Variants in THADA observed in about 807,000 individuals in gnomAD.
THADA encodes THADA armadillo repeat containing.
In THADA, 213 loss-of-function variants were observed where a neutral mutation model predicts 219.8. The ratio of observed to expected loss-of-function variants is 0.97; its 90% CI spans 0.87 to 1.09. The LOEUF is 1.09. Ranked by LOEUF, THADA falls within the 50% of genes least tolerant of loss-of-function variation. The pLI, the probability that THADA is intolerant of heterozygous loss-of-function variation, is 0.00. For synonymous variants in THADA, 1,018 were observed against 828.9 expected (o/e 1.23, Z -3.92); for missense variants, 2,956 against 2,311.3 (o/e 1.28, Z -5.72).
chr2:43,389,085 T>C (rs1673048250), intron 29 of THADA, among the ~76,000 whole-genome samples: 1 of 152,164 alleles, frequency 6.6e-6, no homozygotes, highest in South Asian at 2.1e-4. Flanking sequence ...AGCCACCCTA[T>C]GAGGTCATTT....
At chr2:43,494,925 T>C (rs1688082463) in intron 25 of THADA, among the ~76,000 whole-genome samples, 1 of 152,194 alleles carries the variant, frequency 6.6e-6, no homozygotes, top group African/African-American at 2.4e-5. Flanking sequence ...CTGAAAAATG[T>C]TTCTTTACTG....
At chr2:43,331,594 G>A (rs990848126) in intron 30 of THADA, among the ~76,000 whole-genome samples, 3 of 152,256 alleles carry the variant, frequency 2.0e-5, no homozygotes, top group Non-Finnish European at 4.4e-5. Context: ...CTAAAGCACA[G>A]CAGCTTTCCC....
chr2:43,344,829 G>A (rs904025808), intron 29 of THADA, among the ~76,000 whole-genome samples: 7 of 151,562 alleles, frequency 4.6e-5, no homozygotes, highest in African/African-American at 1.5e-4. Context: ...ATGCAGACGT[G>A]CCCCACTTAT....
intron 31 of THADA, among the ~76,000 whole-genome samples, chr2:43,301,999 CCTT>C (rs1339335331): frequency 6.6e-6 from 1 of 152,112 alleles, no homozygotes; most frequent in Admixed American, 6.5e-5. Flanking sequence ...AGTTTAGCAG[CCTT>C]CTTCTTTAGC....
Position 43,413,331 on chromosome 2 carries a change from C to G in THADA, c.4058+14769G>C, listed in dbSNP as rs375179784. On this transcript the variant is annotated intron_variant, in intron 28 of 37. Transcript: ENST00000405975. ...CTAGTCCTAAAACCCCACCACCACC[C>G]CCGCCCCATCACCAGTGAGGCTAAG... 9.9e-5 allele frequency among the ~76,000 whole-genome samples: 15 copies of G among 152,218 alleles called. 1 individual carries two copies. Among genetic ancestry groups the G allele is most frequent in the African/African-American group, 3.6e-4 (15 of 41,528 alleles).
At position 43,360,577 on chromosome 2, in the gene THADA, TA is replaced by T; in HGVS notation, c.4228-16341del. 2.0e-5 allele frequency among the ~76,000 whole-genome samples: 3 copies of T among 152,350 alleles called. No homozygotes were observed. The South Asian group carries it at 6.2e-4, about 32-fold the overall frequency. Reference sequence around the variant, plus strand: ...TTGAGGAAACTAATAATCTTCCTTCTAAACCTACTTCAGCTCAAACACTGAT... The same window carrying T: ...TTGAGGAAACTAATAATCTTCCTTCTAACCTACTTCAGCTCAAACACTGAT... On this transcript the variant is annotated intron_variant, in intron 29 of 37. Transcript: ENST00000405975.
chr2:43,492,924 C>G (rs138448542), intron 25 of THADA, among the ~76,000 whole-genome samples: 1 of 152,344 alleles, frequency 6.6e-6, no homozygotes, highest in African/African-American at 2.4e-5. Flanking sequence ...AAAGGTCCCT[C>G]TTCCTCTAGG....
chr2:43,554,859 G>A (rs1039632577), intron 17 of THADA, among the ~76,000 whole-genome samples: 2 of 152,100 alleles, frequency 1.3e-5, no homozygotes. Flanking sequence ...AAATGCTTGG[G>A]ACCATAAGCG....
intron 29 of THADA, among the ~76,000 whole-genome samples, chr2:43,384,702 A>G (rs1240923620): frequency 6.6e-6 from 1 of 152,230 alleles, no homozygotes; most frequent in Non-Finnish European, 1.5e-5. Flanking sequence ...GCAGTGGAAC[A>G]TGCCTGTAAT....
At chr2:43,357,011 A>C (rs1668938893) in intron 29 of THADA, among the ~76,000 whole-genome samples, 2 of 152,296 alleles carry the variant, frequency 1.3e-5, no homozygotes, top group East Asian at 1.9e-4. Flanking sequence ...AAAAACTATA[A>C]ATTACTTTGT....
intron 26 of THADA, among the ~76,000 whole-genome samples, chr2:43,447,222 G>A (rs977395227): frequency 3.3e-5 from 5 of 152,158 alleles, no homozygotes; most frequent in South Asian, 2.1e-4. Flanking sequence ...TCCGTCCTAC[G>A]ATGCATGGGG....
chr2:43,524,558 C>T (rs546492371), intron 22 of THADA, among the ~76,000 whole-genome samples: 56 of 152,288 alleles, frequency 3.7e-4, no homozygotes, highest in South Asian at 2.5e-3. Context: ...TTTTTCATAA[C>T]TTAAGGGCTT....
At chr2:43,351,764 C>T (rs564998150) in intron 29 of THADA, among the ~76,000 whole-genome samples, 1 of 152,332 alleles carries the variant, frequency 6.6e-6, no homozygotes, top group East Asian at 1.9e-4. Flanking sequence ...AAAGTCACCT[C>T]TGTAAACTCT....
intron 20 of THADA, among the ~76,000 whole-genome samples, chr2:43,542,681 A>G (rs1695480317): frequency 1.3e-5 from 2 of 152,176 alleles, no homozygotes; most frequent in African/African-American, 4.8e-5. Flanking sequence ...CTCTCACAGC[A>G]GACAATGAAC....
chr2:43,360,404 G>C (rs1669370804), intron 29 of THADA, among the ~76,000 whole-genome samples: 1 of 152,176 alleles, frequency 6.6e-6, no homozygotes, highest in Admixed American at 6.5e-5. Flanking sequence ...AAGACTGCTT[G>C]CAAATGGTTT....
chr2:43,469,321 T>C (rs760483774), intron 26 of THADA, among the ~76,000 whole-genome samples: 8 of 152,194 alleles, frequency 5.3e-5, no homozygotes, highest in Middle Eastern at 3.2e-3. Context: ...AATAAATATT[T>C]GTGGGTTTGA....
At chr2:43,544,442 T>C (rs931767308) in intron 20 of THADA, among the ~76,000 whole-genome samples, 3 of 152,336 alleles carry the variant, frequency 2.0e-5, no homozygotes, top group Non-Finnish European at 2.9e-5. Flanking sequence ...GGGGATGGCA[T>C]TGAATCTATA....
intron 15 of THADA, among the ~76,000 whole-genome samples, chr2:43,560,969 C>CTCA: frequency 6.7e-6 from 1 of 148,596 alleles, no homozygotes; most frequent in Non-Finnish European, 1.5e-5. Context: ...GTGAGCTGAG[C>CTCA]TCATGTCAGT....
chr2:43,569,983 T>C (rs554823898), intron 14 of THADA, among the ~76,000 whole-genome samples: 2 of 152,312 alleles, frequency 1.3e-5, no homozygotes, highest in South Asian at 2.1e-4. Context: ...AGCTGGACCA[T>C]GGGCCAAGAG....
Sources: gnomAD v4.1 joint callset for allele counts (sites outside exome capture counted in the v4.1 genomes callset) on GRCh38, gnomAD v4.1.1 for gene constraint, MANE v1.5 for transcripts, NCBI Gene and HGNC (gene_info 2026-07-23, HGNC 2026-07-21) for gene names.